The following INTS15 variants were observed in gnomAD, a reference collection of about 807,000 sequenced individuals.
INTS15 encodes integrator complex subunit 15.
chr7:6,598,383 C>G, the INTS15 span, among the ~76,000 whole-genome samples: 1 of 150,684 alleles, frequency 6.6e-6, no homozygotes, highest in Middle Eastern at 3.2e-3. Context: ...ACAGGAGAAT[C>G]GCTTGAACCC....
the INTS15 span, chr7:6,607,433 G>A: frequency 2.5e-5 from 20 of 791,490 alleles, no homozygotes; most frequent in Admixed American, 1.0e-4. This position sits in a 1 kb window ranked among gnomAD's most constrained non-coding sequence, Gnocchi z 6.0. Flanking sequence ...CTGAGGCTGC[G>A]CGGGGCGGGG....
chr7:6,597,069 G>A, the INTS15 span, among the ~76,000 whole-genome samples: 5 of 152,304 alleles, frequency 3.3e-5, no homozygotes, highest in African/African-American at 1.2e-4. Flanking sequence ...GTGAGCCACT[G>A]TGCCAGCTGC....
chr7:6,607,504 A>G, the INTS15 span: 1 of 1,302,504 alleles, frequency 7.7e-7, no homozygotes. This position sits in a 1 kb window ranked among gnomAD's most constrained non-coding sequence, Gnocchi z 6.0. Context: ...GCCGTCCCCG[A>G]GGGGGCCGCA....
chr7:6,601,868 G>C, the INTS15 span, among the ~76,000 whole-genome samples: 97 of 151,334 alleles, frequency 6.4e-4, no homozygotes, highest in African/African-American at 2.3e-3. Flanking sequence ...TGTTGGTCAG[G>C]CTGGTCTCAA....
At chr7:6,608,351 G>A in the INTS15 span, 7 of 1,423,808 alleles carry the variant, frequency 4.9e-6, no homozygotes, top group East Asian at 2.6e-5. Context: ...AGATTGGATG[G>A]TGGAGGGAAG....
chr7:6,598,735 TTG>T, the INTS15 span, among the ~76,000 whole-genome samples: 1,749 of 83,498 alleles, frequency 0.021, 24 homozygotes, highest in South Asian at 0.068. Context: ...GCTGTATGCT[TTG>T]TGTGTGTGTG....
the INTS15 span, among the ~76,000 whole-genome samples, chr7:6,591,115 C>T: frequency 1.3e-5 from 2 of 151,960 alleles, no homozygotes; most frequent in African/African-American, 4.8e-5. Flanking sequence ...GAATTACAGG[C>T]GTGAGCCACA....
the INTS15 span, chr7:6,591,912 C>G: frequency 6.4e-7 from 1 of 1,572,562 alleles, no homozygotes. Flanking sequence ...TGGCTCATGC[C>G]TGTAATCCCA....
At chr7:6,603,240 ACT>A in the INTS15 span, among the ~76,000 whole-genome samples, 13 of 149,174 alleles carry the variant, frequency 8.7e-5, no homozygotes, top group Non-Finnish European at 8.9e-5. Flanking sequence ...ACAGAGTGAA[ACT>A]CTGTCAAAAA....
chr7:6,608,422 C>G, the INTS15 span: 5 of 1,360,544 alleles, frequency 3.7e-6, no homozygotes, highest in Non-Finnish European at 4.7e-6. Context: ...TCCTGGGAGC[C>G]TCTGTTCTCT....
chr7:6,606,401 C>T, the INTS15 span, among the ~76,000 whole-genome samples: 1 of 152,208 alleles, frequency 6.6e-6, no homozygotes, highest in South Asian at 2.1e-4. Flanking sequence ...GCAGGCAGGG[C>T]CGTGGCTGGG....
At chr7:6,592,836 C>T in the INTS15 span, among the ~76,000 whole-genome samples, 18 of 152,172 alleles carry the variant, frequency 1.2e-4, no homozygotes, top group African/African-American at 4.3e-4. Context: ...TCACGAACTC[C>T]TGAGGTCAAG....
chr7:6,608,005 C>G, the INTS15 span: 1 of 1,600,244 alleles, frequency 6.2e-7, no homozygotes, highest in South Asian at 1.1e-5. Context: ...AGTCGCCTCA[C>G]GCCGCGCTCC....
the INTS15 span, chr7:6,591,548 G>A: frequency 4.6e-6 from 5 of 1,093,946 alleles, no homozygotes; most frequent in South Asian, 5.5e-5. Context: ...ACAGGCATGA[G>A]CCACCGCGCC....
chr7:6,601,527 C>T, the INTS15 span, among the ~76,000 whole-genome samples: 1 of 152,042 alleles, frequency 6.6e-6, no homozygotes, highest in South Asian at 2.1e-4. Context: ...AACTCCTGAC[C>T]TCAAGTGATC....
chr7:6,592,530 G>C, the INTS15 span, among the ~76,000 whole-genome samples: 1 of 151,800 alleles, frequency 6.6e-6, no homozygotes, highest in Admixed American at 6.6e-5. Flanking sequence ...TTGTGTCACT[G>C]CACTCCAGCC....
chr7:6,592,782 T>A, the INTS15 span, among the ~76,000 whole-genome samples: 2 of 151,850 alleles, frequency 1.3e-5, no homozygotes, highest in Non-Finnish European at 2.9e-5. Flanking sequence ...TTAGTTTTTG[T>A]ATTTTTTTGT....
the INTS15 span, chr7:6,607,928 G>A: frequency 6.3e-7 from 1 of 1,596,218 alleles, no homozygotes; most frequent in African/African-American, 1.3e-5. This position sits in a 1 kb window ranked among gnomAD's most constrained non-coding sequence, Gnocchi z 6.0. Context: ...CCCGGAGCCC[G>A]CCCGCGCTGA....
At chr7:6,601,994 A>G in the INTS15 span, 5 of 970,154 alleles carry the variant, frequency 5.2e-6, no homozygotes, top group Non-Finnish European at 8.2e-6. Context: ...GAAATGTAGT[A>G]TGAGGCGCTC....
Sources: gnomAD v4.1 joint callset for allele counts (sites outside exome capture counted in the v4.1 genomes callset) on GRCh38, gnomAD v4.1.1 for gene constraint, Gnocchi (gnomAD v3.1) non-coding constraint, MANE v1.5 for transcripts, NCBI Gene and HGNC (gene_info 2026-07-23, HGNC 2026-07-21) for gene names.